The following CRTC1 variants were observed in gnomAD, a reference collection of about 807,000 sequenced individuals.
CRTC1 encodes CREB regulated transcription coactivator 1.
CRTC1 carries 18 observed loss-of-function variants against 66.1 expected under a neutral mutation model. The ratio of observed to expected loss-of-function variants is 0.27; its 90% confidence interval spans 0.19 to 0.40. The LOEUF is 0.40. Ranked by LOEUF, CRTC1 falls within the 10% of genes least tolerant of loss-of-function variation. The pLI, the probability that CRTC1 is intolerant of heterozygous loss-of-function variation, is 1.00. For synonymous variants in CRTC1, 416 were observed against 398.8 expected (o/e 1.04, Z -0.51); for missense variants, 669 against 887.9 (o/e 0.75, Z 3.13).
In CRTC1 at chr19:18,745,991, G is replaced by A. The variant is rs116286963; in HGVS notation, c.381+31G>A. 6.9e-3 allele frequency: 10,966 copies of A among 1,584,858 alleles called. 49 individuals carry two copies. The highest frequency in any genetic ancestry group is 8.1e-3 in the Non-Finnish European group (9,434 of 1,161,458). On this transcript the variant is annotated intron_variant, in intron 3 of 13. Transcript: ENST00000321949. ...CTTTTCACCAGAGGATGAGGGTGGG[G>A]GCCAGGCCCTGTCGGTGCCGGCAGG...
At chr19:18,767,751 C>T (rs2054768997) in intron 9 of CRTC1, among the ~76,000 whole-genome samples, 1 of 152,186 alleles carries the variant, frequency 6.6e-6, no homozygotes. Flanking sequence ...CTGCCCCTTC[C>T]CTCTATCTGG....
In CRTC1 at chr19:18,708,273, G is replaced by A. The variant is rs112903620; in HGVS notation, c.126+24445G>A. 1.1e-4 allele frequency among the ~76,000 whole-genome samples: 17 copies of A among 152,310 alleles called. 1 individual carries two copies. The highest frequency in any genetic ancestry group is 4.1e-4 in the African/African-American group (17 of 41,574). On this transcript the variant is annotated intron_variant, in intron 1 of 13. Transcript: ENST00000321949. ...GATCCCACAGCCAGCTATGGGGTGG[G>A]GAGGGGTGACCCAGGATCAGCTTTG... is the stretch of plus-strand genomic sequence containing the variant.
chr19:18,689,073 G>T (rs1242021420), intron 1 of CRTC1, among the ~76,000 whole-genome samples: 2 of 152,040 alleles, frequency 1.3e-5, no homozygotes, highest in Non-Finnish European at 2.9e-5. Context: ...AGCCTCCTGA[G>T]TGGCTGGGAT....
Position 18,780,554 on chromosome 19 carries a change from A to G in CRTC1, c.*3172A>G. 2 of 230,830 alleles carry G rather than the reference A, an allele frequency of 8.7e-6. No homozygotes were observed. The highest frequency in any genetic ancestry group is 1.7e-5 in the Non-Finnish European group (2 of 116,536). The allele number at this position is 230,830 out of a possible 1,614,324, so 14.3% of individuals were successfully genotyped here. Reference sequence around the variant, plus strand: ...CAAGCTCCCGGGAGGACCCCTAGCCAGGAGGGCCCCCCATGTCCATCCATC... The same window carrying G: ...CAAGCTCCCGGGAGGACCCCTAGCCGGGAGGGCCCCCCATGTCCATCCATC... On this transcript the variant is annotated 3_prime_UTR_variant, in exon 14 of 14. Transcript: ENST00000321949.
In CRTC1 at chr19:18,777,405, G is replaced by T; in HGVS notation, c.*23G>T. On this transcript the variant is annotated 3_prime_UTR_variant, in exon 14 of 14. Transcript: ENST00000321949. This position sits in a 1 kb window ranked among gnomAD's most constrained non-coding sequence, Gnocchi z 5.5. ...TGAGCGGGCACGCCGGCACCCTGCC[G>T]CTCAGCCGTCCCGACGGCGCCTCCC... The T allele has an allele frequency of 6.3e-7, 1 of 1,595,118 alleles. No homozygotes were observed. Among genetic ancestry groups the T allele is most frequent in the Non-Finnish European group, 8.5e-7 (1 of 1,175,626 alleles).
chr19:18,756,660 T>C (rs2054496244), intron 6 of CRTC1, among the ~76,000 whole-genome samples: 1 of 151,480 alleles, frequency 6.6e-6, no homozygotes, highest in Non-Finnish European at 1.5e-5. Flanking sequence ...AAAACAAATG[T>C]CCAGCAGCAG....
intron 1 of CRTC1, among the ~76,000 whole-genome samples, chr19:18,714,372 A>T (rs1356099391): frequency 6.6e-6 from 1 of 151,318 alleles, no homozygotes; most frequent in Non-Finnish European, 1.5e-5. Context: ...CGGTGGTGTG[A>T]TCTTGGCTCA....
At chr19:18,685,986 T>C (rs1409705448) in intron 1 of CRTC1, among the ~76,000 whole-genome samples, 5 of 152,200 alleles carry the variant, frequency 3.3e-5, no homozygotes, top group Admixed American at 6.5e-5. Context: ...GTGTACAGTT[T>C]GGTGGTTTTT....
intron 5 of CRTC1, among the ~76,000 whole-genome samples, chr19:18,751,172 C>T (rs2054354895): frequency 6.6e-6 from 1 of 152,162 alleles, no homozygotes; most frequent in Non-Finnish European, 1.5e-5. Context: ...TGGCTGTGCT[C>T]ATCGTGGGTC....
At chr19:18,765,688 C>T (rs567901159) in intron 9 of CRTC1, among the ~76,000 whole-genome samples, 160 bp downstream of exon 9, 3 of 152,294 alleles carry the variant, frequency 2.0e-5, no homozygotes, top group Admixed American at 6.5e-5. Context: ...AAGCCGGGTG[C>T]CGTAGCTCAT....
chr19:18,706,182 CTTTTT>C (rs58104974), intron 1 of CRTC1, among the ~76,000 whole-genome samples: 1 of 18,718 alleles, frequency 5.3e-5, no homozygotes, highest in African/African-American at 1.9e-4. Flanking sequence ...TTCCATTGGT[CTTTTT>C]TTTTTTTTTT....
At chr19:18,734,117 C>T (rs1270833389) in intron 1 of CRTC1, among the ~76,000 whole-genome samples, 1 of 151,740 alleles carries the variant, frequency 6.6e-6, no homozygotes, top group Non-Finnish European at 1.5e-5. Flanking sequence ...AAAAAAAGTC[C>T]AGAACAGATA....
intron 1 of CRTC1, among the ~76,000 whole-genome samples, chr19:18,708,026 C>T (rs2053305006): frequency 6.6e-6 from 1 of 152,236 alleles, no homozygotes; most frequent in Non-Finnish European, 1.5e-5. Context: ...GCAGCCATGT[C>T]TCCTGGGAGG....
intron 1 of CRTC1, among the ~76,000 whole-genome samples, chr19:18,717,144 G>A (rs553588685): frequency 6.7e-4 from 102 of 152,316 alleles, no homozygotes; most frequent in Non-Finnish European, 1.2e-3. Context: ...AGCCTCCCTG[G>A]TGGGTGACTG....
At chr19:18,694,589 T>C (rs1001940387) in intron 1 of CRTC1, among the ~76,000 whole-genome samples, 3 of 152,126 alleles carry the variant, frequency 2.0e-5, no homozygotes, top group African/African-American at 4.8e-5. Flanking sequence ...TTAGCCACCA[T>C]GCCCGGCTAA....
At chr19:18,720,095 A>G (rs1384626205) in intron 1 of CRTC1, among the ~76,000 whole-genome samples, 1 of 152,264 alleles carries the variant, frequency 6.6e-6, no homozygotes, top group Admixed American at 6.5e-5. Flanking sequence ...GTGCTTGCAC[A>G]TTCCAGAACA....
intron 11 of CRTC1, among the ~76,000 whole-genome samples, chr19:18,774,229 G>A (rs1328838170): frequency 6.6e-6 from 1 of 152,170 alleles, no homozygotes; most frequent in Non-Finnish European, 1.5e-5. Context: ...GGGGCTCCGA[G>A]TGTCTCCTTT....
chr19:18,688,472 C>A (rs527832134), intron 1 of CRTC1, among the ~76,000 whole-genome samples: 1 of 151,950 alleles, frequency 6.6e-6, no homozygotes, highest in African/African-American at 2.4e-5. Context: ...AGGAGCCCCC[C>A]CTGTCGCCCA....
At chr19:18,686,337 A>G (rs1226826866) in intron 1 of CRTC1, among the ~76,000 whole-genome samples, 1 of 152,178 alleles carries the variant, frequency 6.6e-6, no homozygotes, top group East Asian at 1.9e-4. Context: ...TTATCCATTC[A>G]TCAGTCAATG....
Sources: gnomAD v4.1 joint callset for allele counts (sites outside exome capture counted in the v4.1 genomes callset) on GRCh38, gnomAD v4.1.1 for gene constraint, Gnocchi (gnomAD v3.1) non-coding constraint, MANE v1.5 for transcripts, NCBI Gene and HGNC (gene_info 2026-07-23, HGNC 2026-07-21) for gene names.